Variants in CLIP1 observed in about 807,000 individuals in gnomAD.
The protein encoded by CLIP1 is CAP-Gly domain containing linker protein 1.
In CLIP1, 66 loss-of-function variants were observed where a neutral mutation model predicts 161.6. The ratio of observed to expected loss-of-function variants is 0.41; its 90% confidence interval spans 0.33 to 0.50. The LOEUF (loss-of-function observed/expected upper bound fraction) is 0.50. Ranked by LOEUF, CLIP1 falls within the 20% of genes least tolerant of loss-of-function variation. CLIP1 has a pLI of 0.27. For synonymous variants in CLIP1, 598 were observed against 626.2 expected (o/e 0.96, Z 0.67); for missense variants, 1,376 against 1,702.0 (o/e 0.81, Z 3.37).
At chr12:122,309,694 G>GA in intron 20 of CLIP1, 68 bp downstream of exon 20, 1 of 1,593,362 alleles carries the variant, frequency 6.3e-7, no homozygotes. Flanking sequence ...AGTGGCCTCT[G>GA]AGCGTGCTGC....
chr12:122,313,006 T>C (rs1360035185), intron 19 of CLIP1, among the ~76,000 whole-genome samples: 1 of 152,160 alleles, frequency 6.6e-6, no homozygotes, highest in African/African-American at 2.4e-5. Context: ...ACAGTCCTCT[T>C]ACCGCAGAAG....
chr12:122,321,531 T>C (rs1373269376), intron 17 of CLIP1, among the ~76,000 whole-genome samples: 1 of 149,178 alleles, frequency 6.7e-6, no homozygotes, highest in East Asian at 2.0e-4. Context: ...GGCTGTTCTT[T>C]TTTTTTAGAT....
At chr12:122,394,360 G>A (rs946475124) in intron 1 of CLIP1, among the ~76,000 whole-genome samples, 5 of 151,666 alleles carry the variant, frequency 3.3e-5, no homozygotes, top group African/African-American at 7.3e-5. Context: ...GTGGTGGCAC[G>A]TGCCTATAAT....
At chr12:122,297,985 C>T (rs369441796) in intron 20 of CLIP1, among the ~76,000 whole-genome samples, 3 of 152,158 alleles carry the variant, frequency 2.0e-5, no homozygotes, top group Admixed American at 6.5e-5. Flanking sequence ...TGGCCATCTC[C>T]GTCCAGTTTG....
At chr12:122,363,392 TGAGGCAG>T (rs1361023408) in intron 4 of CLIP1, among the ~76,000 whole-genome samples, 1 of 151,456 alleles carries the variant, frequency 6.6e-6, no homozygotes, top group African/African-American at 2.4e-5. Context: ...CTTGGGAGGC[TGAGGCAG>T]GAGAATTGCT....
chr12:122,287,865 A>G (rs1416750610), intron 21 of CLIP1, among the ~76,000 whole-genome samples: 1 of 152,206 alleles, frequency 6.6e-6, no homozygotes, highest in Non-Finnish European at 1.5e-5. Flanking sequence ...TATCCAGATC[A>G]ATAACTGTAT....
chr12:122,287,632 C>T (rs1955911973), intron 21 of CLIP1, among the ~76,000 whole-genome samples: 1 of 152,102 alleles, frequency 6.6e-6, no homozygotes, highest in Non-Finnish European at 1.5e-5. Flanking sequence ...AAAGACTTAT[C>T]AGCTTATAGA....
intron 7 of CLIP1, 32 bp downstream of exon 7, chr12:122,354,421 C>G: frequency 1.9e-6 from 3 of 1,564,844 alleles, no homozygotes; most frequent in Non-Finnish European, 2.6e-6. Flanking sequence ...GGGGAAAGGC[C>G]ACACTTGCAC....
At chr12:122,313,692 G>A (rs923325554) in intron 19 of CLIP1, among the ~76,000 whole-genome samples, 9 of 151,954 alleles carry the variant, frequency 5.9e-5, no homozygotes, top group Non-Finnish European at 8.8e-5. Context: ...ACTCCATCCT[G>A]GGCAACAAGA....
chr12:122,330,597 G>GTTTTTTTTTGTTTTTTTT (rs1951901515), intron 15 of CLIP1, among the ~76,000 whole-genome samples: 3 of 101,404 alleles, frequency 3.0e-5, no homozygotes, highest in African/African-American at 1.3e-4. Context: ...GTATAATGCA[G>GTTTTTTTTTGTTTTTTTT]TTTTTTTTTT....
intron 15 of CLIP1, among the ~76,000 whole-genome samples, chr12:122,329,250 C>T (rs1358055595): frequency 6.6e-6 from 1 of 152,048 alleles, no homozygotes; most frequent in South Asian, 2.1e-4. Context: ...CTGCTTGAGT[C>T]GGGTAGACAG....
chr12:122,358,369 T>TCC (rs1953599803), intron 5 of CLIP1, among the ~76,000 whole-genome samples: 2 of 148,522 alleles, frequency 1.3e-5, no homozygotes, highest in Non-Finnish European at 3.0e-5. Context: ...CTGCTGACCT[T>TCC]CCCTCCACTA....
chr12:122,405,610 A>G (rs1195333211), intron 1 of CLIP1, among the ~76,000 whole-genome samples: 5 of 147,088 alleles, frequency 3.4e-5, no homozygotes, highest in East Asian at 2.0e-4. Flanking sequence ...CCAACATGGC[A>G]AAACCCCATC....
intron 7 of CLIP1, among the ~76,000 whole-genome samples, chr12:122,354,113 T>C (rs762013037): frequency 9.9e-5 from 15 of 151,358 alleles, no homozygotes; most frequent in Non-Finnish European, 2.2e-4. Flanking sequence ...ATGAAAAGGC[T>C]GCTGGGCGCG....
intron 21 of CLIP1, among the ~76,000 whole-genome samples, chr12:122,282,874 A>G (rs1767714896): frequency 6.6e-6 from 1 of 152,218 alleles, no homozygotes; most frequent in African/African-American, 2.4e-5. Context: ...CAAGAGTAGG[A>G]AAGGGAAAAG....
chr12:122,344,734 T>C (rs1347859508), intron 10 of CLIP1, among the ~76,000 whole-genome samples: 1 of 152,218 alleles, frequency 6.6e-6, no homozygotes, highest in African/African-American at 2.4e-5. Context: ...TCAGAAATTA[T>C]TTCTTATTCT....
intron 1 of CLIP1, among the ~76,000 whole-genome samples, chr12:122,386,483 T>G (rs995837791): frequency 6.6e-6 from 1 of 152,074 alleles, no homozygotes; most frequent in Non-Finnish European, 1.5e-5. Flanking sequence ...TGGAAAAGGT[T>G]TGTCAGGATC....
intron 20 of CLIP1, among the ~76,000 whole-genome samples, chr12:122,305,968 T>C (rs1950856019): frequency 6.6e-6 from 1 of 150,888 alleles, no homozygotes; most frequent in African/African-American, 2.4e-5. Context: ...CTAGGAAGGC[T>C]GAGGCATGAG....
intron 4 of CLIP1, among the ~76,000 whole-genome samples, chr12:122,363,337 C>T (rs988847822): frequency 3.3e-5 from 5 of 152,156 alleles, no homozygotes; most frequent in Admixed American, 2.0e-4. Context: ...ACTAAAAATA[C>T]AAAAATTAGC....
Sources: allele counts gnomAD v4.1 joint callset (sites outside exome capture counted in the v4.1 genomes callset), GRCh38; gene constraint gnomAD v4.1.1; transcripts MANE v1.5; gene names NCBI Gene and HGNC (gene_info 2026-07-23, HGNC 2026-07-21).